The following DPP10 variants were observed in gnomAD, a reference collection of about 807,000 sequenced individuals.
The protein encoded by DPP10 is inactive dipeptidyl peptidase 10.
Under a neutral mutation model 120.9 loss-of-function variants are expected in DPP10, and 33 were observed. The ratio of observed to expected loss-of-function variants is 0.27; its 90% CI spans 0.21 to 0.37. DPP10 has a LOEUF of 0.37. DPP10 is among the 10% of genes least tolerant of loss of function. DPP10 has a pLI of 1.00. For missense variants in DPP10, 816 were observed against 942.8 expected (o/e 0.87, Z 1.76); for synonymous variants, 337 against 326.1 (o/e 1.03, Z -0.36).
chr2:114,846,225 C>G (rs565990372), intron 1 of DPP10, among the ~76,000 whole-genome samples: 1 of 151,958 alleles, frequency 6.6e-6, no homozygotes, highest in Non-Finnish European at 1.5e-5. Flanking sequence ...AGCTAAGAAC[C>G]CAGTTTCACA....
At chr2:115,656,099 A>G (rs2088299380) in intron 5 of DPP10, among the ~76,000 whole-genome samples, 1 of 150,974 alleles carries the variant, frequency 6.6e-6, no homozygotes, top group African/African-American at 2.4e-5. Context: ...TTAAAATATG[A>G]TAAGAGTATA....
rs554138920 is a variant in DPP10 at position 115,236,405 on chromosome 2, A to G, written c.61-72834A>G. ...TAGGAACCCAATAGTTATCTTGTTT[A>G]TTAATAATAACAGGATCAAGAGGGG... On this transcript the variant is annotated intron_variant, in intron 1 of 25. Transcript: ENST00000410059. 8.7e-4 allele frequency among the ~76,000 whole-genome samples: 133 copies of G among 152,294 alleles called. No homozygotes were observed. The Middle Eastern group carries it at 0.01, about 12-fold the overall frequency.
Position 115,370,714 on chromosome 2 carries a change from A to G in DPP10, c.271+26802A>G, listed in dbSNP as rs144076530. ...TCTGGGAACATTATGTACAGAAAAT[A>G]TAAGATTAATCCAATTTTAGCATGT... On this transcript the variant is annotated intron_variant, in intron 3 of 25. Transcript: ENST00000410059. Among the ~76,000 whole-genome samples the G allele has an allele frequency of 2.6e-5, 4 of 152,244 alleles. No individual in the cohort carries two copies. The South Asian group carries it at 6.2e-4, about 24-fold the overall frequency.
intron 1 of DPP10, among the ~76,000 whole-genome samples, chr2:114,959,919 TA>T (rs1252283488): frequency 3.3e-5 from 5 of 152,234 alleles, no homozygotes. Flanking sequence ...TTGGGCTATT[TA>T]TTTTTTTATT....
At chr2:115,712,545 TATATATA>T (rs2092360758) in intron 7 of DPP10, among the ~76,000 whole-genome samples, 1 of 92,972 alleles carries the variant, frequency 1.1e-5, no homozygotes, top group Non-Finnish European at 2.1e-5. Flanking sequence ...CTGAATTAAA[TATATATA>T]TATATATATA....
At chr2:115,400,178 A>C (rs1344322849) in intron 3 of DPP10, among the ~76,000 whole-genome samples, 2 of 152,068 alleles carry the variant, frequency 1.3e-5, no homozygotes, top group Non-Finnish European at 2.9e-5. Context: ...ACTTCCCACC[A>C]CACGCCGCCT....
At chr2:114,880,910 CAAA>C (rs1481905764) in intron 1 of DPP10, among the ~76,000 whole-genome samples, 3 of 152,080 alleles carry the variant, frequency 2.0e-5, no homozygotes, top group African/African-American at 7.2e-5. Context: ...ACTGGTGTCT[CAAA>C]GAAGATTGAG....
chr2:115,304,228 ATTGAACTTCT>A (rs1251092725), intron 1 of DPP10, among the ~76,000 whole-genome samples: 1 of 151,948 alleles, frequency 6.6e-6, no homozygotes, highest in Non-Finnish European at 1.5e-5. Context: ...GAGGAACTTT[ATTGAACTTCT>A]TTGAGAAAAC....
intron 1 of DPP10, among the ~76,000 whole-genome samples, chr2:114,738,326 G>A (rs887231362): frequency 1.3e-5 from 2 of 152,136 alleles, no homozygotes; most frequent in South Asian, 4.1e-4. Flanking sequence ...GGCCTTTCTC[G>A]GGCATGAGCA....
chr2:114,524,541 A>T (rs1303046495), intron 1 of DPP10, among the ~76,000 whole-genome samples: 1 of 152,236 alleles, frequency 6.6e-6, no homozygotes, highest in Non-Finnish European at 1.5e-5. Context: ...CTTGTTCACT[A>T]AGAAAAAGAT....
chr2:115,107,382 T>C (rs975460512), intron 1 of DPP10, among the ~76,000 whole-genome samples: 2 of 123,712 alleles, frequency 1.6e-5, no homozygotes, highest in Non-Finnish European at 3.4e-5. Flanking sequence ...GGAAAGACAA[T>C]AAAGAAGGAA....
intron 1 of DPP10, among the ~76,000 whole-genome samples, chr2:115,279,848 G>A (rs1027519678): frequency 6.6e-6 from 1 of 151,394 alleles, no homozygotes; most frequent in African/African-American, 2.4e-5. Context: ...TTTTAGTAGC[G>A]ACAGGGTTTC....
At chr2:114,738,293 A>G (rs1677663808) in intron 1 of DPP10, among the ~76,000 whole-genome samples, 1 of 152,180 alleles carries the variant, frequency 6.6e-6, no homozygotes, top group Non-Finnish European at 1.5e-5. Context: ...TATGGTAAGA[A>G]CAAAACCACA....
At chr2:115,450,239 G>A (rs939273947) in intron 3 of DPP10, among the ~76,000 whole-genome samples, 8 of 151,938 alleles carry the variant, frequency 5.3e-5, no homozygotes, top group Non-Finnish European at 7.4e-5. Context: ...CTAACACAAA[G>A]CCTATTTTAT....
At chr2:114,754,422 T>G (rs1002795662) in intron 1 of DPP10, among the ~76,000 whole-genome samples, 1 of 152,184 alleles carries the variant, frequency 6.6e-6, no homozygotes, top group Non-Finnish European at 1.5e-5. Flanking sequence ...GCCTTTTATG[T>G]ATAATGATTC....
intron 1 of DPP10, among the ~76,000 whole-genome samples, chr2:115,168,874 A>C (rs764923352): frequency 9.9e-5 from 15 of 152,198 alleles, no homozygotes; most frequent in Non-Finnish European, 1.9e-4. Flanking sequence ...TGCCAGGCTA[A>C]ATACAGAAAA....
chr2:115,561,780 A>G (rs963046385), intron 5 of DPP10, among the ~76,000 whole-genome samples: 5 of 152,178 alleles, frequency 3.3e-5, no homozygotes, highest in Non-Finnish European at 5.9e-5. Flanking sequence ...TTGGAAAAAT[A>G]CAAGTTTATA....
chr2:115,455,092 G>A (rs2073416224), intron 3 of DPP10, among the ~76,000 whole-genome samples: 1 of 150,890 alleles, frequency 6.6e-6, no homozygotes, highest in Non-Finnish European at 1.5e-5. Flanking sequence ...CACAAACTAA[G>A]AATATAAATA....
chr2:115,137,749 C>T (rs941129087), intron 1 of DPP10, among the ~76,000 whole-genome samples: 6 of 152,184 alleles, frequency 3.9e-5, no homozygotes, highest in African/African-American at 7.2e-5. Context: ...GGCCTATCAA[C>T]GGACAGAAGG....
Sources: gnomAD v4.1 joint callset for allele counts (sites outside exome capture counted in the v4.1 genomes callset) on GRCh38, gnomAD v4.1.1 for gene constraint, MANE v1.5 for transcripts, NCBI Gene and HGNC (gene_info 2026-07-23, HGNC 2026-07-21) for gene names.